The following WASHC2A variants were observed in gnomAD, a reference collection of about 807,000 sequenced individuals.
WASHC2A encodes the protein WASH complex subunit 2A.
A neutral mutation model predicts 140.3 loss-of-function variants in WASHC2A; 82 were observed. The ratio of observed to expected loss-of-function variants is 0.58; its 90% CI spans 0.49 to 0.70. WASHC2A has a LOEUF of 0.70. WASHC2A is among the 30% of genes least tolerant of loss of function. The probability of loss-of-function intolerance (pLI) is 0.00; values close to 1 mark genes in which losing one functional copy is unlikely to be tolerated. For missense variants in WASHC2A, 985 were observed against 1,521.8 expected (o/e 0.65, Z 5.87); for synonymous variants, 340 against 560.8 (o/e 0.61, Z 5.56).
Position 50,068,094 on chromosome 10 carries a change from T to A in WASHC2A, c.4-11T>A. On this transcript the variant is annotated splice_polypyrimidine_tract_variant and intron_variant, in intron 1 of 30. Coordinates refer to ENST00000282633, the MANE Select transcript of WASHC2A (RefSeq NM_001005751.3). ...CAGGCTCAGCTTCTCTTCTCGTTTTTTTCGCTGCAGATGAACCGGACGACC... is the reference window on the plus strand; with the variant it reads ...CAGGCTCAGCTTCTCTTCTCGTTTTATTCGCTGCAGATGAACCGGACGACC... 1 of 1,608,744 alleles carries A rather than the reference T, an allele frequency of 6.2e-7. No individual in the cohort carries two copies. Among genetic ancestry groups the A allele is most frequent in the Non-Finnish European group, 8.5e-7 (1 of 1,178,294 alleles).
chr10:50,086,118 T>C (rs1839353687), intron 7 of WASHC2A, among the ~76,000 whole-genome samples: 1 of 151,422 alleles, frequency 6.6e-6, no homozygotes, highest in African/African-American at 2.4e-5. Context: ...GGGATATTCG[T>C]TATTGCAAAG....
chr10:50,117,843 T>C, intron 21 of WASHC2A, 63 bp from the exon 22 acceptor site: 1 of 909,692 alleles, frequency 1.1e-6, no homozygotes, highest in Non-Finnish European at 1.7e-6. Context: ...GTTCTGTATA[T>C]GGCCATGCTG....
chr10:50,094,436 AG>A (rs1238207554), intron 13 of WASHC2A, among the ~76,000 whole-genome samples: 1 of 150,274 alleles, frequency 6.7e-6, no homozygotes, highest in East Asian at 1.9e-4. Flanking sequence ...GCAAAATGCT[AG>A]GAATACAGGC....
At chr10:50,086,326 C>T (rs1477286409) in intron 7 of WASHC2A, among the ~76,000 whole-genome samples, 2 of 151,066 alleles carry the variant, frequency 1.3e-5, no homozygotes, top group African/African-American at 4.9e-5. Context: ...AAGCAGTGCT[C>T]ATTAGGGGAA....
chr10:50,132,744 T>TCCACCAAA, intron 30 of WASHC2A, 62 bp from the exon 31 acceptor site: 1 of 1,611,896 alleles, frequency 6.2e-7, no homozygotes, highest in Non-Finnish European at 8.5e-7. Flanking sequence ...TGCTTGCATG[T>TCCACCAAA]GTCTTAAAAG....
At chr10:50,093,440 A>G (rs1298399732) in intron 12 of WASHC2A, 54 bp downstream of exon 12, 1 of 857,934 alleles carries the variant, frequency 1.2e-6, no homozygotes, top group African/African-American at 1.8e-5. Flanking sequence ...TCAGGGGTCC[A>G]CAGGGAAGAT....
chr10:50,102,625 T>A (rs1206884322), intron 17 of WASHC2A, among the ~76,000 whole-genome samples: 72 of 148,990 alleles, frequency 4.8e-4, no homozygotes, highest in African/African-American at 1.7e-3. Context: ...AGTGAACTCA[T>A]TAGGTCTATA....
At chr10:50,075,026 T>C (rs1483298583) in intron 3 of WASHC2A, among the ~76,000 whole-genome samples, 2 of 152,110 alleles carry the variant, frequency 1.3e-5, no homozygotes, top group Non-Finnish European at 2.9e-5. Context: ...TTCTTGTTTT[T>C]TAACTTTAAC....
chr10:50,068,027 A>G lies in WASHC2A; in HGVS notation c.3+19A>G. ...TAGGATGGTGAGGGCGCCGGGCAGG[A>G]GAGAGGCCGGCCTGGGCTGGGGCCG... On this transcript the variant is annotated intron_variant, in intron 1 of 30. Transcript: ENST00000282633. The G allele has an allele frequency of 1.2e-6, 2 of 1,607,820 alleles. No individual in the cohort carries two copies. Among genetic ancestry groups the G allele is most frequent in the Non-Finnish European group, 1.7e-6 (2 of 1,178,276 alleles).
chr10:50,126,008 A>C (rs1486436050), intron 25 of WASHC2A, 49 bp from the exon 26 acceptor site: 1 of 1,605,598 alleles, frequency 6.2e-7, no homozygotes, highest in Non-Finnish European at 8.5e-7. Context: ...TTTTTCCTTA[A>C]AATTTCTAAG....
chr10:50,110,005 C>T (rs1322026434), intron 19 of WASHC2A, 96 bp from the exon 20 acceptor site: 39 of 1,201,022 alleles, frequency 3.2e-5, no homozygotes, highest in East Asian at 1.2e-4. Context: ...CTGCTGATCT[C>T]GTGATTCACC....
At chr10:50,109,963 G>C in intron 19 of WASHC2A, 138 bp from the exon 20 acceptor site, 1 of 1,130,428 alleles carries the variant, frequency 8.8e-7, no homozygotes, top group Non-Finnish European at 1.3e-6. Flanking sequence ...GTAGAGACGG[G>C]GTTTCACCAT....
chr10:50,108,959 G>C (rs1842029461), intron 19 of WASHC2A, among the ~76,000 whole-genome samples: 1 of 149,830 alleles, frequency 6.7e-6, no homozygotes, highest in Non-Finnish European at 1.5e-5. Flanking sequence ...CAGAGATTCT[G>C]AATTAATCTG....
chr10:50,103,485 G>A (rs1841432891), intron 17 of WASHC2A, among the ~76,000 whole-genome samples: 2 of 152,184 alleles, frequency 1.3e-5, no homozygotes, highest in South Asian at 4.2e-4. Context: ...GCGTGAATCC[G>A]GGAGGCGGAG....
At chr10:50,125,475 G>C in intron 25 of WASHC2A, 26 bp downstream of exon 25, 4 of 1,604,876 alleles carry the variant, frequency 2.5e-6, no homozygotes, top group Non-Finnish European at 3.4e-6. Flanking sequence ...TCTCAATACT[G>C]GGTTGTGTGG....
chr10:50,128,456 C>T (rs1334846001), intron 28 of WASHC2A, among the ~76,000 whole-genome samples: 1 of 152,204 alleles, frequency 6.6e-6, no homozygotes, highest in Non-Finnish European at 1.5e-5. Flanking sequence ...GGACTGTGAA[C>T]CCTTTGAAGT....
intron 10 of WASHC2A, 54 bp downstream of exon 10, chr10:50,091,572 T>A: frequency 1.3e-6 from 2 of 1,544,126 alleles, no homozygotes; most frequent in Non-Finnish European, 1.8e-6. Flanking sequence ...CAGGGCCCTC[T>A]GCTGGCTTCA....
At position 50,097,752 on chromosome 10, in the gene WASHC2A, G is replaced by A; in HGVS notation, c.1498G>A (p.Glu500Lys). The A allele has an allele frequency of 6.2e-7, 1 of 1,607,964 alleles. No individual in the cohort carries two copies. The highest frequency in any genetic ancestry group is 8.5e-7 in the Non-Finnish European group (1 of 1,178,320). ...LFKEKAVASP[E>K]ATVSQTDENK... is the part of the protein sequence containing the mutation. Reference sequence around the variant, plus strand: ...CAAAGAAAAAGCCGTAGCATCGCCAGAAGCCACTGTGAGTCAGACAGATGA... The same window carrying A: ...CAAAGAAAAAGCCGTAGCATCGCCAAAAGCCACTGTGAGTCAGACAGATGA... The change falls in exon 16 of 31, where the codon GAA becomes AAA. Residue 500 changes from glutamate (E) to lysine (K), a missense_variant. Glu to Lys is a moderately conservative substitution (Grantham distance 56). Transcript: ENST00000282633.
In WASHC2A at chr10:50,118,013, G is replaced by A. The variant is rs782010201; in HGVS notation, c.2250G>A (p.Lys750=). The A allele has an allele frequency of 4.4e-6, 7 of 1,606,702 alleles. 1 individual carries two copies. The South Asian group carries it at 7.7e-5, about 18-fold the overall frequency. Reference sequence around the variant, plus strand: ...TGGATAAGAAGGTTGAGAGTGCCAAGGAGTCATTAAAATTTGGGAGAACTG... The same window carrying A: ...TGGATAAGAAGGTTGAGAGTGCCAAAGAGTCATTAAAATTTGGGAGAACTG... The part of the protein sequence containing the change: ...KSVDKKVESA[K]ESLKFGRTDV... The change falls in exon 22 of 31, where the codon AAG becomes AAA. Residue 750 remains lysine (K), a synonymous_variant. Transcript: ENST00000282633.
Sources: gnomAD v4.1 joint callset for allele counts (sites outside exome capture counted in the v4.1 genomes callset) on GRCh38, gnomAD v4.1.1 for gene constraint, MANE v1.5 for transcripts, NCBI Gene and HGNC (gene_info 2026-07-23, HGNC 2026-07-21) for gene names.